Variants in ZC3H12B observed in about 807,000 individuals in gnomAD.
ZC3H12B encodes the protein zinc finger CCCH-type containing 12B.
Under a neutral mutation model 43.9 loss-of-function variants are expected in ZC3H12B, and 7 were observed. That is an observed-to-expected ratio of 0.16 (90% CI 0.09 to 0.30). ZC3H12B has a LOEUF of 0.30. Ranked by LOEUF, ZC3H12B falls within the 10% of genes least tolerant of loss-of-function variation. The probability of loss-of-function intolerance (pLI) is 1.00; values close to 1 mark genes in which losing one functional copy is unlikely to be tolerated. For synonymous variants in ZC3H12B, 222 were observed against 241.7 expected, an observed-to-expected ratio of 0.92 and a Z score of 0.76; for missense variants, 475 against 670.2, an observed-to-expected ratio of 0.71 and a Z score of 3.22.
At chrX:65,305,167 T>C in the ZC3H12B span, among the ~76,000 whole-genome samples, 1 of 111,875 alleles carries the variant, frequency 8.9e-6, no homozygotes, top group South Asian at 3.7e-4. Context: ...AGTTCTGGAA[T>C]ACATAATAAC....
At chrX:65,168,933 T>G in the ZC3H12B span, among the ~76,000 whole-genome samples, 2 of 111,676 alleles carry the variant, frequency 1.8e-5, no homozygotes, top group Admixed American at 9.6e-5. Flanking sequence ...TCTCTCTTTT[T>G]TCTTTATTAG....
At chrX:65,065,674 C>G in the ZC3H12B span, among the ~76,000 whole-genome samples, 1 of 111,173 alleles carries the variant, frequency 9.0e-6, no homozygotes, top group Admixed American at 9.6e-5. Context: ...ATTTCCTGAA[C>G]TGAATGTTCG....
chrX:65,211,070 T>TAAAA, the ZC3H12B span, among the ~76,000 whole-genome samples: 3 of 28,062 alleles, frequency 1.1e-4, no homozygotes, highest in Admixed American at 4.8e-4. Flanking sequence ...TAGAGTATAA[T>TAAAA]AAAAAAAAAA....
At chrX:65,166,573 CTGGG>C in the ZC3H12B span, among the ~76,000 whole-genome samples, 1 of 111,774 alleles carries the variant, frequency 8.9e-6, no homozygotes, top group African/African-American at 3.3e-5. Flanking sequence ...AATGGGATGG[CTGGG>C]TCAAATGGTA....
intron 3 of ZC3H12B, among the ~76,000 whole-genome samples, chrX:65,417,557 G>C (rs1275326478): frequency 1.8e-5 from 2 of 112,511 alleles, no homozygotes; most frequent in Non-Finnish European, 3.8e-5. Flanking sequence ...GATTTTAAGT[G>C]TACCTTCAGT....
At chrX:65,296,040 C>T in the ZC3H12B span, among the ~76,000 whole-genome samples, 1 of 111,841 alleles carries the variant, frequency 8.9e-6, no homozygotes, top group Admixed American at 9.5e-5. Flanking sequence ...AGTCATTATA[C>T]GAAAAAGATA....
the ZC3H12B span, among the ~76,000 whole-genome samples, chrX:65,133,677 G>A: frequency 9.0e-5 from 10 of 110,783 alleles, no homozygotes; most frequent in Admixed American, 2.9e-4. Context: ...GTGGGAGAGC[G>A]GAGGCTGAGG....
At chrX:65,353,811 G>A in the ZC3H12B span, among the ~76,000 whole-genome samples, 40 of 111,502 alleles carry the variant, frequency 3.6e-4, no homozygotes, top group Non-Finnish European at 1.3e-4. Context: ...GGCTTGAGTA[G>A]GCAGTTTTCC....
At chrX:65,038,797 C>T in the ZC3H12B span, among the ~76,000 whole-genome samples, 2 of 111,212 alleles carry the variant, frequency 1.8e-5, no homozygotes, top group Non-Finnish European at 3.8e-5. Flanking sequence ...GACAGTATTA[C>T]ATTGAGTACC....
chrX:65,160,062 C>T, the ZC3H12B span, among the ~76,000 whole-genome samples: 4 of 111,931 alleles, frequency 3.6e-5, no homozygotes, highest in East Asian at 2.8e-4. Flanking sequence ...TGTTGGATTA[C>T]ATTTATTGAT....
intron 2 of ZC3H12B, among the ~76,000 whole-genome samples, chrX:65,370,342 T>C (rs941296540): frequency 9.0e-6 from 1 of 111,592 alleles, no homozygotes; most frequent in African/African-American, 3.3e-5. Context: ...TTGTTTACTG[T>C]GTAAAGTTTG....
At chrX:65,462,974 G>A (rs748181654) in intron 3 of ZC3H12B, among the ~76,000 whole-genome samples, 4 of 111,995 alleles carry the variant, frequency 3.6e-5, no homozygotes, top group Non-Finnish European at 1.9e-5. Flanking sequence ...CAGCAACATG[G>A]ATACTTCTGG....
At chrX:65,407,210 G>T (rs1447931903) in intron 3 of ZC3H12B, among the ~76,000 whole-genome samples, 1 of 112,951 alleles carries the variant, frequency 8.9e-6, no homozygotes, top group Non-Finnish European at 1.9e-5. Flanking sequence ...GTCCGGAGCG[G>T]CCGGGCCGGC....
chrX:65,088,721 G>T, the ZC3H12B span, among the ~76,000 whole-genome samples: 5 of 111,425 alleles, frequency 4.5e-5, no homozygotes, highest in South Asian at 3.8e-4. Flanking sequence ...TCTTCTACCT[G>T]ATAATCCTTC....
intron 2 of ZC3H12B, among the ~76,000 whole-genome samples, chrX:65,381,484 G>A (rs2066439073): frequency 9.0e-6 from 1 of 110,956 alleles, no homozygotes; most frequent in Admixed American, 9.6e-5. Flanking sequence ...AGCACTAAAT[G>A]TCCACAAGAG....
intron 3 of ZC3H12B, among the ~76,000 whole-genome samples, chrX:65,404,022 A>G (rs2066794001): frequency 8.9e-6 from 1 of 112,448 alleles, no homozygotes; most frequent in Non-Finnish European, 1.9e-5. Flanking sequence ...AATAATAACT[A>G]CAACAACTTC....
chrX:65,447,427 CA>C (rs1422507930), intron 3 of ZC3H12B, among the ~76,000 whole-genome samples: 1 of 111,391 alleles, frequency 9.0e-6, no homozygotes, highest in African/African-American at 3.3e-5. Flanking sequence ...TGAACATCTA[CA>C]AAAATCAACT....
the ZC3H12B span, chrX:65,271,968 A>G: frequency 8.6e-6 from 1 of 116,316 alleles, no homozygotes; most frequent in African/African-American, 3.2e-5. Context: ...TAATCCCAGC[A>G]TTTTGGGAGG....
chrX:65,212,566 T>C, the ZC3H12B span, among the ~76,000 whole-genome samples: 1 of 79,304 alleles, frequency 1.3e-5, no homozygotes. Context: ...TTATATGTTA[T>C]ATATAATTAT....
Sources: gnomAD v4.1 joint callset for allele counts (sites outside exome capture counted in the v4.1 genomes callset) on GRCh38, gnomAD v4.1.1 for gene constraint, MANE v1.5 for transcripts, NCBI Gene and HGNC (gene_info 2026-07-23, HGNC 2026-07-21) for gene names.